Variants in COL17A1 observed in about 807,000 individuals in gnomAD.
The protein encoded by COL17A1 is collagen alpha-1(XVII) chain.
A neutral mutation model predicts 218.4 loss-of-function variants in COL17A1; 181 were observed. The ratio of observed to expected loss-of-function variants is 0.83; its 90% CI spans 0.73 to 0.94. The LOEUF is 0.94. COL17A1 is among the 40% of genes least tolerant of loss of function. The pLI is 0.00. For missense variants in COL17A1, 1,924 were observed against 1,945.9 expected (o/e 0.99, Z 0.21); for synonymous variants, 721 against 731.0 (o/e 0.99, Z 0.22).
chr10:104,049,449 C>A lies in COL17A1; in HGVS notation c.2187G>T (p.Leu729Phe). ...CCCCGGGCTCACCAACAGCACCAGG[C>A]AAACCTCTCATGCCAGGCTCGCCTG... is the stretch of plus-strand genomic sequence containing the variant. ...GLTGEPGMRG[L>F]PGAVGEPGAK... is the part of the protein sequence containing the mutation. The change falls in exon 29 of 56, where the codon TTG (leucine) becomes TTT (phenylalanine). Residue 729 changes from leucine (L) to phenylalanine (F), a missense_variant. Leu to Phe is a conservative substitution (Grantham distance 22). Coordinates refer to ENST00000648076, the MANE Select transcript of COL17A1 (RefSeq NM_000494.4). 1 of 1,614,222 alleles carries A rather than the reference C, an allele frequency of 6.2e-7. No individual in the cohort carries two copies. The highest frequency in any genetic ancestry group is 8.5e-7 in the Non-Finnish European group (1 of 1,180,036).
chr10:104,035,964 ATG>A (rs796854823), intron 48 of COL17A1, among the ~76,000 whole-genome samples: 18 of 39,128 alleles, frequency 4.6e-4, no homozygotes, highest in African/African-American at 1.6e-3. Flanking sequence ...GTACAGGAGT[ATG>A]GGAGTGTGTT....
At chr10:104,054,260 T>C (rs2086497925) in intron 20 of COL17A1, 142 bp from the exon 21 acceptor site, 2 of 786,606 alleles carry the variant, frequency 2.5e-6, no homozygotes. Context: ...GAATTGCAGA[T>C]AAACAACACA....
intron 6 of COL17A1, chr10:104,073,857 G>A (rs919862597): frequency 1.2e-5 from 4 of 340,142 alleles, no homozygotes; most frequent in Non-Finnish European, 2.2e-5. Context: ...TCTTTGGGAG[G>A]CCTCTGTGCA....
chr10:104,084,580 T>C (rs114715147), intron 1 of COL17A1, among the ~76,000 whole-genome samples: 4,302 of 152,134 alleles, frequency 0.028, 211 homozygotes, highest in African/African-American at 0.098. Flanking sequence ...TTTTGTAGAG[T>C]CAGGGTTTTG....
chr10:104,077,699 T>TTTTG lies in COL17A1; in HGVS notation c.98-174_98-173insCAAA, dbSNP rs2086723912. Among the ~76,000 whole-genome samples the TTTTG allele has an allele frequency of 2.6e-5, 4 of 151,566 alleles. No individual in the cohort carries two copies. In the South Asian group the frequency reaches 6.3e-4, roughly 24 times the overall value. On this transcript the variant is annotated intron_variant, in intron 3 of 55. Coordinates refer to ENST00000648076, the MANE Select transcript of COL17A1 (RefSeq NM_000494.4). ...GCTGCCATGCTCCAGTTTCGTTGGT[T>TTTTG]TTTTGTTTTGTTTTGTTTTGTTTTG...
chr10:104,057,195 G>T, intron 16 of COL17A1, 23 bp from the exon 17 acceptor site: 1 of 1,613,920 alleles, frequency 6.2e-7, no homozygotes, highest in Non-Finnish European at 8.5e-7. Context: ...CAGGGAAAAT[G>T]AAGCAAATGC....
chr10:104,041,585 G>T, intron 36 of COL17A1, 47 bp from the exon 37 acceptor site: 1 of 1,528,770 alleles, frequency 6.5e-7, no homozygotes, highest in Non-Finnish European at 9.0e-7. Context: ...TCACGAGGCT[G>T]CTCTCTGCCA....
intron 3 of COL17A1, among the ~76,000 whole-genome samples, chr10:104,078,154 C>G (rs2086728295): frequency 6.6e-6 from 1 of 152,128 alleles, no homozygotes; most frequent in Non-Finnish European, 1.5e-5. Flanking sequence ...TGACTGGTAG[C>G]CCCCAATCCT....
intron 47 of COL17A1, 58 bp from the exon 48 acceptor site, chr10:104,036,690 G>A: frequency 6.2e-7 from 1 of 1,600,002 alleles, no homozygotes; most frequent in East Asian, 2.3e-5. Flanking sequence ...TCGCAGCCAT[G>A]ATCCAGCCAC....
Position 104,070,546 on chromosome 10 carries a change from G to C in COL17A1, c.487C>G (p.Arg163Gly), listed in dbSNP as rs755227490. 44 of 1,614,030 alleles carry C rather than the reference G, an allele frequency of 2.7e-5. No individual in the cohort carries two copies. Among genetic ancestry groups the C allele is most frequent in the Non-Finnish European group, 2.5e-6 (3 of 1,180,052 alleles). The change falls in exon 9 of 56, where the codon CGT (arginine) becomes GGT (glycine). Residue 163 changes from arginine (R) to glycine (G), a missense_variant. Physicochemically the swap from Arg to Gly is moderately radical, Grantham distance 125 (BLOSUM62 -2). Transcript: ENST00000648076. ...TRWTELDDVK[R>G]LLKGSRSASV... ...GCCGATCGACTCCCCTTGAGCAAAC[G>C]CTTAACATCATCCAATTCTGTCCCT... is the stretch of plus-strand genomic sequence containing the variant.
chr10:104,049,373 G>C (rs2086445024), intron 29 of COL17A1, 36 bp downstream of exon 29: 2 of 1,605,764 alleles, frequency 1.2e-6, no homozygotes, highest in African/African-American at 1.3e-5. Flanking sequence ...CCCTCAGATG[G>C]GGAACTCACT....
chr10:104,032,361 T>C, intron 55 of COL17A1, 71 bp from the exon 56 acceptor site: 1 of 1,322,104 alleles, frequency 7.6e-7, no homozygotes, highest in Non-Finnish European at 1.1e-6. Flanking sequence ...CTTGGGCAAT[T>C]ATGGCAACCG....
In COL17A1 at chr10:104,079,653, C is replaced by T. The variant is rs180745232; in HGVS notation, c.52+969G>A. Among the ~76,000 whole-genome samples, 9 of 152,268 alleles carry T rather than the reference C, an allele frequency of 5.9e-5. No individual in the cohort carries two copies. In the East Asian group the frequency reaches 1.2e-3, roughly 20 times the overall value. On this transcript the variant is annotated intron_variant, in intron 2 of 55. Transcript: ENST00000648076. ...TGCATAAAAGGAAATGTTGGCTGGGCGCAGTGGCTCACGCCTGTAATCCCA... is the reference window on the plus strand; with the variant it reads ...TGCATAAAAGGAAATGTTGGCTGGGTGCAGTGGCTCACGCCTGTAATCCCA...
rs1042468731 is a variant in COL17A1, at chr10:104,077,537, C to CA, written c.98-12dup. The CA allele has an allele frequency of 4.4e-6, 7 of 1,604,378 alleles. No individual in the cohort carries two copies. The African/African-American group carries it at 8.0e-5, about 18-fold the overall frequency. On this transcript the variant is annotated splice_polypyrimidine_tract_variant and intron_variant, in intron 3 of 55. Transcript: ENST00000648076. ...TGCTGGTCCCGCCTTCTGCCAGGAA[C>CA]AAAAGCAGGTGATAATTTCAGGGTG...
Position 104,055,816 on chromosome 10 carries a change from G to A in COL17A1, c.1653C>T (p.Phe551=), listed in dbSNP as rs1182683419. The change falls in exon 18 of 56, where the codon TTC becomes TTT. Residue 551 remains phenylalanine, a synonymous_variant. Transcript: ENST00000648076. ...GTTCCATCATTAGCTTCTTCCTCAC[G>A]AACATCCAGAGCTCCTCCTGGCTGT... ...HSDSQEELWM[F]VRKKLMMEQE... 5 of 1,613,994 alleles carry A rather than the reference G, an allele frequency of 3.1e-6. No homozygotes were observed. In the Admixed American group the frequency reaches 5.0e-5, roughly 16 times the overall value.
chr10:104,054,829 TG>T (rs2086504229), intron 20 of COL17A1, 151 bp downstream of exon 20: 1 of 1,276,924 alleles, frequency 7.8e-7, no homozygotes, highest in Admixed American at 2.0e-5. Context: ...CAAAGGTCCC[TG>T]GGATTGGAAA....
chr10:104,077,532 A>G lies in COL17A1; in HGVS notation c.98-6T>C. ...GCCATTGCTGGTCCCGCCTTCTGCC[A>G]GGAACAAAAGCAGGTGATAATTTCA... On this transcript the variant is annotated splice_polypyrimidine_tract_variant and splice_region_variant and intron_variant, in intron 3 of 55. Transcript: ENST00000648076. The G allele has an allele frequency of 3.1e-6, 5 of 1,606,998 alleles. No homozygotes were observed. Among genetic ancestry groups the G allele is most frequent in the Non-Finnish European group, 3.4e-6 (4 of 1,176,754 alleles).
chr10:104,054,466 G>A (rs1395107968), intron 20 of COL17A1, among the ~76,000 whole-genome samples: 2 of 152,132 alleles, frequency 1.3e-5, no homozygotes, highest in Admixed American at 1.3e-4. Flanking sequence ...TGGGGAAGGA[G>A]GGCTGGGACA....
rs1162455094 is a variant in COL17A1 at position 104,034,303 on chromosome 10, G to A, written c.3798C>T (p.Pro1266=). The A allele has an allele frequency of 5.1e-6, 8 of 1,575,446 alleles. No homozygotes were observed. Among genetic ancestry groups the A allele is most frequent in the Non-Finnish European group, 6.9e-6 (8 of 1,164,982 alleles). Residue 1266 remains proline (P), a synonymous_variant, in exon 52 of 56, where the codon CCC becomes CCT. Transcript: ENST00000648076. ...SPDVRSFIVG[P]PGPPGPQGPP... Reference sequence around the variant, plus strand: ...GTCCCTGCGGCCCAGGAGGGCCTGGGGGGCCAACAATGAAGCTGCGCACAT... The same window carrying A: ...GTCCCTGCGGCCCAGGAGGGCCTGGAGGGCCAACAATGAAGCTGCGCACAT...
Sources: gnomAD v4.1 joint callset for allele counts (sites outside exome capture counted in the v4.1 genomes callset) on GRCh38, gnomAD v4.1.1 for gene constraint, MANE v1.5 for transcripts, NCBI Gene and HGNC (gene_info 2026-07-23, HGNC 2026-07-21) for gene names.